Variants in VPS13C observed in about 807,000 individuals in gnomAD.
VPS13C encodes vacuolar protein sorting 13 homolog C.
In VPS13C, 358 loss-of-function variants were observed where a neutral mutation model predicts 456.8. The observed-to-expected ratio is 0.78, with a 90% CI of 0.72 to 0.86. The LOEUF (loss-of-function observed/expected upper bound fraction) is 0.86, where lower values mean the gene tolerates loss of function less well. Ranked by LOEUF, VPS13C falls within the 40% of genes least tolerant of loss-of-function variation. VPS13C has a pLI of 0.00. For missense variants in VPS13C, 4,818 were observed against 4,385.4 expected (o/e 1.10, Z -2.79); for synonymous variants, 1,578 against 1,486.7 (o/e 1.06, Z -1.41).
chr15:61,913,276 C>G, intron 62 of VPS13C, 35 bp downstream of exon 62: 1 of 1,577,728 alleles, frequency 6.3e-7, no homozygotes, highest in Non-Finnish European at 8.7e-7. Context: ...CAAAGGTGAA[C>G]GGAATCAAAG....
chr15:61,931,362 A>G, intron 49 of VPS13C, 103 bp from the exon 50 acceptor site: 1 of 1,200,922 alleles, frequency 8.3e-7, no homozygotes, highest in Non-Finnish European at 1.1e-6. Context: ...AACTGATCTC[A>G]TGAATTTTAA....
chr15:61,978,528 G>T, intron 23 of VPS13C, 98 bp downstream of exon 23: 2 of 1,377,686 alleles, frequency 1.5e-6, no homozygotes, highest in Non-Finnish European at 1.9e-6. Context: ...TGTGCAAAAT[G>T]GTTGTCAGGG....
At chr15:61,923,752 T>C (rs879529628) in intron 53 of VPS13C, among the ~76,000 whole-genome samples, 3 of 150,236 alleles carry the variant, frequency 2.0e-5, no homozygotes, top group Non-Finnish European at 3.0e-5. Context: ...CCTAACTTAC[T>C]TGTCAACTTT....
chr15:61,869,097 CTCTTT>C (rs995443769), intron 80 of VPS13C, among the ~76,000 whole-genome samples: 10 of 149,320 alleles, frequency 6.7e-5, no homozygotes, highest in Non-Finnish European at 7.4e-5. Context: ...TAAAATATGT[CTCTTT>C]TCTTTTCTTT....
chr15:62,004,072 T>A (rs1333244216), intron 15 of VPS13C, among the ~76,000 whole-genome samples: 3 of 151,976 alleles, frequency 2.0e-5, no homozygotes, highest in African/African-American at 7.2e-5. Context: ...TTTCTATTGA[T>A]TGGAATAGTT....
chr15:61,880,414 A>G (rs879257027), intron 73 of VPS13C, among the ~76,000 whole-genome samples, 195 bp downstream of exon 73: 2 of 152,136 alleles, frequency 1.3e-5, no homozygotes, highest in African/African-American at 2.4e-5. Flanking sequence ...ACTGGAGAAC[A>G]TGCTCTGGTG....
At position 61,867,830 on chromosome 15, in the gene VPS13C, A is replaced by G. The variant is rs768211269; in HGVS notation, c.10863+829T>C. ...AGGTGAGAGTTTTAAAGAAAATTTC[A>G]TTAAAATTGACAATGGAATTCACAC... On this transcript the variant is annotated intron_variant, in intron 81 of 84. Coordinates refer to ENST00000644861, the MANE Select transcript of VPS13C (RefSeq NM_020821.3). The surrounding 1 kb of genome is among the most constrained non-coding windows in gnomAD (Gnocchi z 5.0). The G allele has an allele frequency of 3.9e-6, 6 of 1,538,196 alleles. No homozygotes were observed. Among genetic ancestry groups the G allele is most frequent in the Non-Finnish European group, 5.2e-6 (6 of 1,144,466 alleles).
In VPS13C at chr15:62,023,763, A is replaced by G. The variant is rs780525005; in HGVS notation, c.514+17T>C. 1 of 1,604,096 alleles carries G rather than the reference A, an allele frequency of 6.2e-7. No individual in the cohort carries two copies. On this transcript the variant is annotated intron_variant, in intron 7 of 84. Coordinates refer to ENST00000644861, the MANE Select transcript of VPS13C (RefSeq NM_020821.3). ...TGTGTATAAACAACACCATGGCATA[A>G]AACTACTTTTACCTACCTTTTGAAC...
intron 65 of VPS13C, among the ~76,000 whole-genome samples, chr15:61,908,601 G>A (rs771959991): frequency 2.6e-5 from 4 of 151,978 alleles, no homozygotes; most frequent in African/African-American, 4.8e-5. Context: ...TTCACTGAGC[G>A]TTACCAGATT....
At chr15:61,934,137 C>T (rs2044148436) in intron 49 of VPS13C, 82 bp downstream of exon 49, 1 of 828,356 alleles carries the variant, frequency 1.2e-6, no homozygotes, top group Non-Finnish European at 1.8e-6. Context: ...ATGAAAAGTC[C>T]CACACAAAAA....
intron 44 of VPS13C, 102 bp downstream of exon 44, chr15:61,946,205 G>T: frequency 1.1e-6 from 1 of 904,918 alleles, no homozygotes; most frequent in Non-Finnish European, 1.6e-6. Flanking sequence ...TAAAGTGCCT[G>T]GTACATGACA....
At chr15:61,981,893 A>T (rs905787113) in intron 21 of VPS13C, among the ~76,000 whole-genome samples, 1 of 152,178 alleles carries the variant, frequency 6.6e-6, no homozygotes, top group African/African-American at 2.4e-5. Context: ...AAATAAAAAA[A>T]AAAGAAAAGT....
chr15:61,968,745 T>C (rs188609224), intron 28 of VPS13C, among the ~76,000 whole-genome samples: 491 of 152,238 alleles, frequency 3.2e-3, no homozygotes, highest in Middle Eastern at 0.014. Flanking sequence ...TAACTTTACA[T>C]CCTATCATTT....
At chr15:62,011,707 G>T (rs950452461) in intron 12 of VPS13C, among the ~76,000 whole-genome samples, 2 of 151,952 alleles carry the variant, frequency 1.3e-5, no homozygotes, top group African/African-American at 4.8e-5. Flanking sequence ...AAATTCTCTA[G>T]AGTGGCAGGA....
At position 61,854,357 on chromosome 15, in the gene VPS13C, G is replaced by A; in HGVS notation, c.*100C>T. 1.8e-6 allele frequency: 2 copies of A among 1,116,554 alleles called. No homozygotes were observed. The highest frequency in any genetic ancestry group is 1.2e-5 in the South Asian group (1 of 80,212). The allele number at this position is 1,116,554 out of a possible 1,614,324, so 69.2% of individuals were successfully genotyped here. A position where few individuals can be genotyped will look rare whatever the true frequency, so the allele number is the denominator to read the frequency against. On this transcript the variant is annotated 3_prime_UTR_variant, in exon 85 of 85. Coordinates refer to ENST00000644861, the MANE Select transcript of VPS13C (RefSeq NM_020821.3). ...CTATTCCAGAAAACTAAAACTAAAG[G>A]ATTGCTTGAAAAATTGTCTTTAGCA... is the stretch of plus-strand genomic sequence containing the variant.
intron 54 of VPS13C, 71 bp downstream of exon 54, chr15:61,922,326 A>AAAGTGT: frequency 6.5e-7 from 1 of 1,531,900 alleles, no homozygotes; most frequent in Non-Finnish European, 8.7e-7. Flanking sequence ...ACAAACAAGA[A>AAAGTGT]AAGTGTATAT....
At position 61,873,295 on chromosome 15, in the gene VPS13C, G is replaced by C. The variant is rs780967258; in HGVS notation, c.10529C>G (p.Pro3510Arg). Residue 3510 changes from proline to arginine, a missense_variant, in exon 78 of 85, where the codon CCC (proline) becomes CGC (arginine). Pro to Arg is a moderately radical substitution (Grantham distance 103). Around this residue, in one of 3 missense-constraint regions of VPS13C, gnomAD observed 4,552 missense variants for 4,130.6 expected, o/e 1.10. Coordinates refer to ENST00000644861, the MANE Select transcript of VPS13C (RefSeq NM_020821.3). Reference sequence around the variant, plus strand: ...GGCCAGGCTGTCTCCAAAATCTCTGGGCTGTCGACTCAACTCTTCTCTTCT... The same window carrying C: ...GGCCAGGCTGTCTCCAAAATCTCTGCGCTGTCGACTCAACTCTTCTCTTCT... ...QKRREELSRQ[P>R]RDFGDSLARG... The C allele has an allele frequency of 6.2e-7, 1 of 1,613,506 alleles. No individual in the cohort carries two copies. Among genetic ancestry groups the C allele is most frequent in the Non-Finnish European group, 8.5e-7 (1 of 1,179,702 alleles).
rs1318543745 is a variant in VPS13C at position 61,877,090 on chromosome 15, ATAT to A, written c.10143-39_10143-37del. 2.0e-6 allele frequency: 3 copies of A among 1,480,782 alleles called. No homozygotes were observed. The African/African-American group carries it at 4.3e-5, about 21-fold the overall frequency. 91.7% of individuals were successfully genotyped at this position (1,480,782 alleles called of 1,614,324 possible). A position where few individuals can be genotyped will look rare whatever the true frequency, so the allele number is the denominator to read the frequency against. On this transcript the variant is annotated intron_variant, in intron 74 of 84. Transcript: ENST00000644861. ...AAAAAGGAAAGATTCAAAGATACTA[ATAT>A]TATATGATAAAAAAAGAGACTTAAA...
chr15:61,881,872 A>G, intron 69 of VPS13C, 44 bp from the exon 70 acceptor site: 1 of 1,524,070 alleles, frequency 6.6e-7, no homozygotes, highest in East Asian at 2.3e-5. Context: ...CAAATAATTT[A>G]AACTTTTAGT....
Sources: allele counts gnomAD v4.1 joint callset (sites outside exome capture counted in the v4.1 genomes callset), GRCh38; gene constraint gnomAD v4.1.1; regional missense constraint gnomAD v4.1.1; non-coding constraint Gnocchi (gnomAD v3.1); transcripts MANE v1.5; gene names NCBI Gene and HGNC (gene_info 2026-07-23, HGNC 2026-07-21).